The following FSTL4 variants were observed in gnomAD, a reference collection of about 807,000 sequenced individuals.
FSTL4 encodes the protein follistatin-related protein 4.
FSTL4 carries 28 observed loss-of-function variants against 78.2 expected under a neutral mutation model. That is an observed-to-expected ratio of 0.36 (90% CI 0.27 to 0.49). The LOEUF (loss-of-function observed/expected upper bound fraction) is 0.49, where lower values mean the gene tolerates loss of function less well. Ranked by LOEUF, FSTL4 falls within the 20% of genes least tolerant of loss-of-function variation. The pLI, the probability that FSTL4 is intolerant of heterozygous loss-of-function variation, is 0.98. For synonymous variants in FSTL4, 422 were observed against 440.5 expected (o/e 0.96, Z 0.53); for missense variants, 922 against 1,084.9 (o/e 0.85, Z 2.11).
At chr5:133,794,395 CT>C in the FSTL4 span, among the ~76,000 whole-genome samples, 1 of 152,212 alleles carries the variant, frequency 6.6e-6, no homozygotes, top group Non-Finnish European at 1.5e-5. Flanking sequence ...ATTAGTGTGG[CT>C]GACCAAGGCC....
In FSTL4 at chr5:133,409,366, A is replaced by G. The variant is rs569749137; in HGVS notation, c.161-8380T>C. On this transcript the variant is annotated intron_variant, in intron 3 of 15. Transcript: ENST00000265342. ...CCTCTCAGGCTCACCTGCTACAGACAGGTCCTATGGTTTCTCCTCCTTCTG... is the reference window on the plus strand; with the variant it reads ...CCTCTCAGGCTCACCTGCTACAGACGGGTCCTATGGTTTCTCCTCCTTCTG... 3.3e-5 allele frequency among the ~76,000 whole-genome samples: 5 copies of G among 152,334 alleles called. No individual in the cohort carries two copies. The East Asian group carries it at 7.7e-4, about 23-fold the overall frequency.
intron 6 of FSTL4, chr5:133,256,485 T>A (rs2126830046): frequency 6.6e-6 from 1 of 152,330 alleles, no homozygotes; most frequent in South Asian, 2.1e-4. Flanking sequence ...CTTTGGCTGG[T>A]GTTTACAGAG....
At chr5:133,392,856 C>T (rs1216120233) in intron 4 of FSTL4, among the ~76,000 whole-genome samples, 4 of 152,188 alleles carry the variant, frequency 2.6e-5, no homozygotes, top group Non-Finnish European at 4.4e-5. Flanking sequence ...CAATGCACCA[C>T]GAGACTTACT....
chr5:133,374,647 T>C (rs1238314274), intron 4 of FSTL4, among the ~76,000 whole-genome samples: 3 of 152,106 alleles, frequency 2.0e-5, no homozygotes, highest in African/African-American at 7.2e-5. Flanking sequence ...AGGTGTCTGT[T>C]AGGTAATTAG....
In FSTL4 at chr5:133,201,919, T is replaced by G; in HGVS notation, c.1826+14A>C. ...AGCGGGGAGTGCCTTAGAGGCATCA[T>G]GGGCCAGTCTCACCTGATGTGGTTG... On this transcript the variant is annotated intron_variant, in intron 15 of 15. Transcript: ENST00000265342. The G allele has an allele frequency of 6.7e-7, 1 of 1,497,328 alleles. No homozygotes were observed. Among genetic ancestry groups the G allele is most frequent in the Non-Finnish European group, 9.2e-7 (1 of 1,083,038 alleles). The allele number at this position is 1,497,328 out of a possible 1,614,324, so 92.8% of individuals were successfully genotyped here.
chr5:133,489,088 C>A (rs1035816030), intron 3 of FSTL4, among the ~76,000 whole-genome samples: 1 of 152,210 alleles, frequency 6.6e-6, no homozygotes, highest in African/African-American at 2.4e-5. Flanking sequence ...CCTATCCTGG[C>A]ACGGGGTGCC....
the FSTL4 span, among the ~76,000 whole-genome samples, chr5:133,676,036 G>A: frequency 1.3e-5 from 2 of 152,156 alleles, no homozygotes; most frequent in Non-Finnish European, 2.9e-5. Context: ...CCAGGTGCCA[G>A]GGGGCTGGGA....
rs976610600 is a variant in FSTL4, at chr5:133,338,843, G to T, written c.410-22191C>A. The stretch of plus-strand genomic sequence containing the variant: ...CCCCAGCCAATCAGTCCTGGCTCAG[G>T]TCATTTCTACCACTGTGTCTCTTAG... On this transcript the variant is annotated intron_variant, in intron 4 of 15. Transcript: ENST00000265342. The surrounding 1 kb of genome is among the most constrained non-coding windows in gnomAD (Gnocchi z 4.0). 1.3e-5 allele frequency among the ~76,000 whole-genome samples: 2 copies of T among 152,038 alleles called. No homozygotes were observed. Among genetic ancestry groups the T allele is most frequent in the Non-Finnish European group, 2.9e-5 (2 of 68,004 alleles).
rs114763485 is a variant in FSTL4, at chr5:133,214,517, C to T, written c.1608+2712G>A. 4.2e-3 allele frequency among the ~76,000 whole-genome samples: 643 copies of T among 152,294 alleles called. 5 individuals carry two copies. The highest frequency in any genetic ancestry group is 0.015 in the African/African-American group (619 of 41,558). ...TTTATACCCACAATTCTTAAGTGGG[C>T]CCTCATTGTTGCCCAGCAGTCCTAT... is the stretch of plus-strand genomic sequence containing the variant. On this transcript the variant is annotated intron_variant, in intron 13 of 15. Coordinates refer to ENST00000265342, the MANE Select transcript of FSTL4 (RefSeq NM_015082.2).
At chr5:133,381,507 G>A (rs1448730123) in intron 4 of FSTL4, among the ~76,000 whole-genome samples, 1 of 152,190 alleles carries the variant, frequency 6.6e-6, no homozygotes, top group Non-Finnish European at 1.5e-5. Context: ...AAGAAAGCTG[G>A]AAGATGATTA....
chr5:133,233,351 G>A (rs1486529241), intron 8 of FSTL4, 66 bp downstream of exon 8: 7 of 1,565,558 alleles, frequency 4.5e-6, no homozygotes, highest in Non-Finnish European at 6.2e-6. Flanking sequence ...GAGGGGGCGA[G>A]GGTTGATCTG....
chr5:133,425,038 C>T (rs1347709859), intron 3 of FSTL4, among the ~76,000 whole-genome samples: 1 of 152,188 alleles, frequency 6.6e-6, no homozygotes, highest in African/African-American at 2.4e-5. Context: ...AACTATTAGA[C>T]TGTGGATTAA....
the FSTL4 span, among the ~76,000 whole-genome samples, chr5:133,619,900 A>G: frequency 6.6e-6 from 1 of 152,232 alleles, no homozygotes; most frequent in Admixed American, 6.5e-5. Context: ...ATTTCAGAGT[A>G]TCATATTAAA....
chr5:133,740,662 C>G, the FSTL4 span, among the ~76,000 whole-genome samples: 1 of 152,182 alleles, frequency 6.6e-6, no homozygotes, highest in Non-Finnish European at 1.5e-5. Context: ...TATAAGAACA[C>G]TCCCTCTCCT....
chr5:133,404,790 A>G (rs1388066727), intron 3 of FSTL4, among the ~76,000 whole-genome samples: 2 of 152,190 alleles, frequency 1.3e-5, no homozygotes, highest in Non-Finnish European at 2.9e-5. Flanking sequence ...CTACATCCAC[A>G]TGGAGCAGGA....
At chr5:133,562,521 C>A (rs1276317217) in intron 3 of FSTL4, among the ~76,000 whole-genome samples, 1 of 152,174 alleles carries the variant, frequency 6.6e-6, no homozygotes, top group Non-Finnish European at 1.5e-5. Flanking sequence ...GAGCCAGAGC[C>A]ATGCTGAGTG....
chr5:133,410,357 G>A (rs887067251), intron 3 of FSTL4, among the ~76,000 whole-genome samples: 3 of 152,072 alleles, frequency 2.0e-5, no homozygotes, highest in Admixed American at 2.0e-4. Context: ...AGCTCCTCTG[G>A]GCTCCCTCCG....
the FSTL4 span, among the ~76,000 whole-genome samples, chr5:133,792,929 T>C: frequency 9.2e-5 from 14 of 152,210 alleles, no homozygotes; most frequent in South Asian, 2.9e-3. Flanking sequence ...AGGGGAAAGG[T>C]CAGAGCTCTG....
chr5:133,832,359 A>T, the FSTL4 span, among the ~76,000 whole-genome samples: 8 of 152,150 alleles, frequency 5.3e-5, no homozygotes, highest in African/African-American at 1.7e-4. Context: ...AAAACTGCTC[A>T]TTGGGTTGCT....
Sources: gnomAD v4.1 joint callset for allele counts (sites outside exome capture counted in the v4.1 genomes callset) on GRCh38, gnomAD v4.1.1 for gene constraint, Gnocchi (gnomAD v3.1) non-coding constraint, MANE v1.5 for transcripts, NCBI Gene and HGNC (gene_info 2026-07-23, HGNC 2026-07-21) for gene names.